Variants in CAMK1D observed in about 807,000 individuals in gnomAD.
CAMK1D encodes the protein calcium/calmodulin dependent protein kinase ID.
Under a neutral mutation model 47.7 loss-of-function variants are expected in CAMK1D, and 9 were observed. That is an observed-to-expected ratio of 0.19 (90% CI 0.11 to 0.33). The LOEUF (loss-of-function observed/expected upper bound fraction) is 0.33. CAMK1D is among the 10% of genes least tolerant of loss of function. The pLI is 1.00. For synonymous variants in CAMK1D, 184 were observed against 184.9 expected (o/e 0.99, Z 0.04); for missense variants, 291 against 488.7 (o/e 0.60, Z 3.81).
chr10:12,663,009 T>C (rs956032968), intron 2 of CAMK1D, among the ~76,000 whole-genome samples: 5 of 152,260 alleles, frequency 3.3e-5, no homozygotes, highest in Non-Finnish European at 7.3e-5. Context: ...TTGCCCAGGC[T>C]GGAGTGCAAT....
At position 12,828,888 on chromosome 10, in the gene CAMK1D, C is replaced by G; in HGVS notation, c.*1C>G. Reference sequence around the variant, plus strand: ...GGCAGTGCACTCTGGAAGCAAGTGACTGGCCCTGGAGGTGGGGCCCGGGGT... The same window carrying G: ...GGCAGTGCACTCTGGAAGCAAGTGAGTGGCCCTGGAGGTGGGGCCCGGGGT... On this transcript the variant is annotated 3_prime_UTR_variant, in exon 11 of 11. Coordinates refer to ENST00000619168, the MANE Select transcript of CAMK1D (RefSeq NM_153498.4). 9.3e-6 allele frequency: 15 copies of G among 1,607,886 alleles called. No individual in the cohort carries two copies. The highest frequency in any genetic ancestry group is 1.2e-5 in the Non-Finnish European group (14 of 1,177,482).
chr10:12,540,595 C>T (rs1488801384), intron 1 of CAMK1D, among the ~76,000 whole-genome samples: 2 of 152,228 alleles, frequency 1.3e-5, no homozygotes, highest in Non-Finnish European at 2.9e-5. Flanking sequence ...CTCCCTGTGA[C>T]AAGTATTGTC....
chr10:12,708,319 G>A (rs965048317), intron 3 of CAMK1D, among the ~76,000 whole-genome samples: 3 of 151,534 alleles, frequency 2.0e-5, no homozygotes, highest in Non-Finnish European at 4.4e-5. Flanking sequence ...TTATGAAAGA[G>A]ATGGAGTTTG....
At chr10:12,397,614 T>C (rs1000651566) in intron 1 of CAMK1D, among the ~76,000 whole-genome samples, 6 of 152,160 alleles carry the variant, frequency 3.9e-5, no homozygotes, top group Non-Finnish European at 5.9e-5. Flanking sequence ...CCTGTGACCC[T>C]GGGGCCTAGG....
At chr10:12,787,930 G>C (rs1233067745) in intron 5 of CAMK1D, among the ~76,000 whole-genome samples, 1 of 152,158 alleles carries the variant, frequency 6.6e-6, no homozygotes, top group African/African-American at 2.4e-5. Flanking sequence ...AACCCAGGAG[G>C]TGGAGGTTGC....
chr10:12,528,362 C>T (rs1427899465), intron 1 of CAMK1D, among the ~76,000 whole-genome samples: 1 of 152,208 alleles, frequency 6.6e-6, no homozygotes, highest in Non-Finnish European at 1.5e-5. Context: ...TGGTTAGTGC[C>T]TCACATTGAT....
intron 1 of CAMK1D, among the ~76,000 whole-genome samples, chr10:12,402,107 T>C (rs1839248197): frequency 6.6e-6 from 1 of 151,946 alleles, no homozygotes; most frequent in African/African-American, 2.4e-5. Context: ...TCTCGCTCTG[T>C]CGCCTTGTGT....
intron 1 of CAMK1D, among the ~76,000 whole-genome samples, chr10:12,534,021 A>G (rs987236888): frequency 6.6e-6 from 1 of 152,188 alleles, no homozygotes; most frequent in Non-Finnish European, 1.5e-5. Context: ...TTCTTCTGCA[A>G]GCTTCACGGG....
chr10:12,645,312 T>C (rs1200066695), intron 2 of CAMK1D, among the ~76,000 whole-genome samples: 2 of 152,262 alleles, frequency 1.3e-5, no homozygotes, highest in Non-Finnish European at 2.9e-5. Flanking sequence ...TTTTTGTTTA[T>C]ACTTATGGAA....
At chr10:12,642,549 T>C (rs1839696617) in intron 2 of CAMK1D, among the ~76,000 whole-genome samples, 1 of 152,186 alleles carries the variant, frequency 6.6e-6, no homozygotes, top group Non-Finnish European at 1.5e-5. Flanking sequence ...CTTTCCAACA[T>C]TGAAAGAAAA....
Position 12,605,936 on chromosome 10 carries a change from A to G in CAMK1D, c.224+52580A>G, listed in dbSNP as rs75819847. ...CAGCTGCTCAGATGATCTGTGGGGC[A>G]TGTTCTGGGGTGGAGGGGGCTGGGA... On this transcript the variant is annotated intron_variant, in intron 2 of 10. Coordinates refer to ENST00000619168, the MANE Select transcript of CAMK1D (RefSeq NM_153498.4). Among the ~76,000 whole-genome samples the G allele has an allele frequency of 3.8e-3, 576 of 152,180 alleles. 4 individuals are homozygous for G. In the East Asian group the frequency reaches 0.053, roughly 14 times the overall value.
intron 5 of CAMK1D, among the ~76,000 whole-genome samples, chr10:12,781,945 G>A (rs1837515475): frequency 6.6e-6 from 1 of 151,184 alleles, no homozygotes; most frequent in South Asian, 2.1e-4. Context: ...ACCATGCCTG[G>A]CCTGGTGATA....
At chr10:12,683,819 C>T (rs1452765666) in intron 3 of CAMK1D, among the ~76,000 whole-genome samples, 2 of 147,936 alleles carry the variant, frequency 1.4e-5, no homozygotes, top group Non-Finnish European at 1.5e-5. Flanking sequence ...TTTTTAAATT[C>T]AACATTATAC....
At chr10:12,376,127 C>A (rs1327441245) in intron 1 of CAMK1D, among the ~76,000 whole-genome samples, 1 of 134,142 alleles carries the variant, frequency 7.5e-6, no homozygotes, top group African/African-American at 2.9e-5. Context: ...CATACCACTG[C>A]ACTCCAGCCT....
At chr10:12,720,776 C>G (rs1000719296) in intron 3 of CAMK1D, among the ~76,000 whole-genome samples, 5 of 152,196 alleles carry the variant, frequency 3.3e-5, no homozygotes, top group Admixed American at 2.0e-4. Flanking sequence ...GTTTTCCTCT[C>G]CACGGTAAGG....
At chr10:12,362,069 A>C (rs1227164411) in intron 1 of CAMK1D, among the ~76,000 whole-genome samples, 2 of 152,150 alleles carry the variant, frequency 1.3e-5, no homozygotes, top group South Asian at 2.1e-4. Flanking sequence ...GACAAAAAAC[A>C]AAAAAGTGTG....
intron 2 of CAMK1D, among the ~76,000 whole-genome samples, chr10:12,591,846 A>G (rs563743662): frequency 2.0e-5 from 3 of 152,290 alleles, no homozygotes; most frequent in Admixed American, 2.0e-4. Context: ...GGCACATGCC[A>G]CCACGCCCAG....
intron 1 of CAMK1D, among the ~76,000 whole-genome samples, chr10:12,367,892 C>T (rs934005157): frequency 6.6e-5 from 10 of 152,110 alleles, no homozygotes; most frequent in African/African-American, 2.4e-4. Context: ...GGACCCCTGG[C>T]TTAGAAGGTG....
At chr10:12,703,856 G>A (rs182014564) in intron 3 of CAMK1D, among the ~76,000 whole-genome samples, 10 of 148,548 alleles carry the variant, frequency 6.7e-5, no homozygotes, top group East Asian at 3.9e-4. Context: ...ACGACAGATC[G>A]AGACTCCGTC....
Sources: gnomAD v4.1 joint callset for allele counts (sites outside exome capture counted in the v4.1 genomes callset) on GRCh38, gnomAD v4.1.1 for gene constraint, MANE v1.5 for transcripts, NCBI Gene and HGNC (gene_info 2026-07-23, HGNC 2026-07-21) for gene names.